The following NDEL1 variants were observed in gnomAD, a reference collection of about 807,000 sequenced individuals.
NDEL1 encodes the protein nudE neurodevelopment protein 1 like 1.
Under a neutral mutation model 45.7 loss-of-function variants are expected in NDEL1, and 9 were observed. That is an observed-to-expected ratio of 0.20 (90% CI 0.12 to 0.34). The LOEUF (loss-of-function observed/expected upper bound fraction) is 0.34, where lower values mean the gene tolerates loss of function less well. Among genes scored for constraint, NDEL1 ranks in the 10% least tolerant of loss-of-function variants. The pLI is 1.00. For synonymous variants in NDEL1, 133 were observed against 158.6 expected (o/e 0.84, Z 1.21); for missense variants, 306 against 406.2 (o/e 0.75, Z 2.12).
Position 8,444,362 on chromosome 17 carries a change from T to G in NDEL1, c.86+5T>G. On this transcript the variant is annotated splice_donor_5th_base_variant and intron_variant, in intron 2 of 8. Coordinates refer to ENST00000334527, the MANE Select transcript of NDEL1 (RefSeq NM_030808.5). ...TTCCTTGAAGTATAAGCAAAGGTAA[T>G]GTTGGAAAGCACACTAAAAGTAGGG... The G allele has an allele frequency of 6.2e-7, 1 of 1,603,930 alleles. No homozygotes were observed. Among genetic ancestry groups the G allele is most frequent in the Non-Finnish European group, 8.5e-7 (1 of 1,171,752 alleles).
At chr17:8,436,177 G>T in intron 1 of NDEL1, 132 bp downstream of exon 1, 1 of 246,826 alleles carries the variant, frequency 4.1e-6, no homozygotes, top group Non-Finnish European at 8.0e-6. Context: ...GCCGGGTTCC[G>T]GGGCGGCCAG....
At chr17:8,420,403 CA>C (rs1438999458) in intron 1 of NDEL1, among the ~76,000 whole-genome samples, 1 of 152,182 alleles carries the variant, frequency 6.6e-6, no homozygotes, top group African/African-American at 2.4e-5. Flanking sequence ...TTTTAAATTG[CA>C]TGCTGACTGT....
intron 1 of NDEL1, among the ~76,000 whole-genome samples, chr17:8,420,846 A>G (rs1489629605): frequency 6.6e-6 from 1 of 152,234 alleles, no homozygotes; most frequent in Non-Finnish European, 1.5e-5. Context: ...ATTGATGAGC[A>G]TGGAGACAGG....
chr17:8,425,817 G>A (rs954736238), intron 1 of NDEL1, among the ~76,000 whole-genome samples: 6 of 150,266 alleles, frequency 4.0e-5, no homozygotes, highest in African/African-American at 1.5e-4. Context: ...TTTGAGTTAA[G>A]GTCTTGCTCT....
chr17:8,418,707 T>TTC (rs545072294), intron 1 of NDEL1, among the ~76,000 whole-genome samples: 36 of 148,248 alleles, frequency 2.4e-4, no homozygotes, highest in African/African-American at 7.9e-4. Context: ...TCTCTTTTCT[T>TTC]TCTCTCTCTC....
At chr17:8,459,849 C>G (rs1265744267) in intron 7 of NDEL1, among the ~76,000 whole-genome samples, 160 bp from the exon 8 acceptor site, 9 of 152,154 alleles carry the variant, frequency 5.9e-5, no homozygotes, top group Admixed American at 5.9e-4. Context: ...TAAGTATTCC[C>G]CCTTTTTATT....
chr17:8,466,442 T>C (rs903486), intron 8 of NDEL1: 144,222 of 156,024 alleles, frequency 0.92, 67,726 homozygotes, highest in East Asian at 1. Context: ...ATCTAGAATA[T>C]ATACTATTTG....
chr17:8,466,867 G>A, intron 8 of NDEL1, 63 bp from the exon 9 acceptor site: 1 of 1,464,312 alleles, frequency 6.8e-7, no homozygotes, highest in Admixed American at 1.7e-5. Context: ...TTGTGTGTGA[G>A]TGATTTTAAA....
downstream of NDEL1, among the ~76,000 whole-genome samples, chr17:8,472,891 C>A (rs1911898264): frequency 6.6e-6 from 1 of 152,156 alleles, no homozygotes; most frequent in African/African-American, 2.4e-5. Context: ...TTCCTCCTCA[C>A]CGGGAACCAC....
chr17:8,424,929 G>C (rs983529802), intron 1 of NDEL1, among the ~76,000 whole-genome samples: 1 of 152,050 alleles, frequency 6.6e-6, no homozygotes, highest in South Asian at 2.1e-4. Flanking sequence ...TTGCTGCCAC[G>C]GTGCTGGGAT....
chr17:8,449,101 G>T (rs1204940651), intron 5 of NDEL1, among the ~76,000 whole-genome samples: 3 of 152,172 alleles, frequency 2.0e-5, no homozygotes, highest in Non-Finnish European at 4.4e-5. Flanking sequence ...TCCTGCCTCA[G>T]CCTCTCGAGT....
chr17:8,450,158 G>A (rs568340576), intron 5 of NDEL1, among the ~76,000 whole-genome samples: 220 of 151,888 alleles, frequency 1.4e-3, no homozygotes, highest in African/African-American at 4.5e-3. Context: ...GTGTGGTGGC[G>A]GGCACCTGTA....
At chr17:8,434,821 C>T (rs2062129177), upstream of NDEL1, among the ~76,000 whole-genome samples, 2 of 152,000 alleles carry the variant, frequency 1.3e-5, no homozygotes, top group African/African-American at 4.8e-5. Flanking sequence ...CCTGTAATCC[C>T]AGCACTTTGG....
intron 1 of NDEL1, among the ~76,000 whole-genome samples, chr17:8,438,723 C>T (rs1250705681): frequency 6.6e-6 from 1 of 151,762 alleles, no homozygotes; most frequent in Non-Finnish European, 1.5e-5. Context: ...AGCATGTTGT[C>T]CAGGCTGGCC....
At chr17:8,458,030 C>T (rs1910958029) in intron 7 of NDEL1, among the ~76,000 whole-genome samples, 1 of 152,310 alleles carries the variant, frequency 6.6e-6, no homozygotes, top group African/African-American at 2.4e-5. Context: ...ATTTTGACTG[C>T]ATGCACACGC....
Position 8,451,874 on chromosome 17 carries a change from GCT to G in NDEL1, c.700+928_700+929del, listed in dbSNP as rs1341070174. Among the ~76,000 whole-genome samples the G allele has an allele frequency of 3.3e-5, 5 of 152,182 alleles. No homozygotes were observed. In the East Asian group the frequency reaches 9.7e-4, roughly 29 times the overall value. Reference sequence around the variant, plus strand: ...GCTATGTGGGCAACTAGTACAGTGAGCTCTCTCTGTCTGTGCTACTCAATAGT... The same window carrying G: ...GCTATGTGGGCAACTAGTACAGTGAGCTCTCTGTCTGTGCTACTCAATAGT... On this transcript the variant is annotated intron_variant, in intron 6 of 8. Coordinates refer to ENST00000334527, the MANE Select transcript of NDEL1 (RefSeq NM_030808.5).
At chr17:8,433,348 T>C (rs1486255600), upstream of NDEL1, among the ~76,000 whole-genome samples, 2 of 152,202 alleles carry the variant, frequency 1.3e-5, no homozygotes, top group African/African-American at 2.4e-5. Flanking sequence ...CAAGATTACT[T>C]TTTTTCCTCA....
Position 8,460,014 on chromosome 17 carries a change from A to G in NDEL1, c.798A>G (p.Leu266=), listed in dbSNP as rs1185548350. 4.3e-6 allele frequency: 7 copies of G among 1,611,118 alleles called. No homozygotes were observed. Among genetic ancestry groups the G allele is most frequent in the Non-Finnish European group, 5.9e-6 (7 of 1,179,072 alleles). Residue 266 remains leucine (L), a synonymous_variant, in exon 8 of 9, where the codon TTA becomes TTG. Transcript: ENST00000334527. Reference sequence around the variant, plus strand: ...TTCCTCCTTCTTTTTTGTAGGCTTTAGAATCCAAATTAGCAGCTTGCAGGA... The same window carrying G: ...TTCCTCCTTCTTTTTTGTAGGCTTTGGAATCCAAATTAGCAGCTTGCAGGA... The part of the protein sequence containing the change: ...VGDLLRKVGA[L]ESKLAACRNF...
intron 7 of NDEL1, among the ~76,000 whole-genome samples, chr17:8,458,280 A>G (rs1448521014): frequency 4.0e-5 from 6 of 150,468 alleles, no homozygotes; most frequent in African/African-American, 9.8e-5. Context: ...TCATCTGCTC[A>G]CCCTTTCGAT....
Sources: allele counts gnomAD v4.1 joint callset (sites outside exome capture counted in the v4.1 genomes callset), GRCh38; gene constraint gnomAD v4.1.1; transcripts MANE v1.5; gene names NCBI Gene and HGNC (gene_info 2026-07-23, HGNC 2026-07-21).